Variants in FRA10AC1 observed in about 807,000 individuals in gnomAD.
The protein encoded by FRA10AC1 is FRA10A associated CGG repeat 1.
Under a neutral mutation model 56.5 loss-of-function variants are expected in FRA10AC1, and 43 were observed. The ratio of observed to expected loss-of-function variants is 0.76; its 90% confidence interval spans 0.60 to 0.98. The LOEUF (loss-of-function observed/expected upper bound fraction) is 0.98, where lower values mean the gene tolerates loss of function less well. Ranked by LOEUF, FRA10AC1 falls within the 50% of genes least tolerant of loss-of-function variation. The pLI, the probability that FRA10AC1 is intolerant of heterozygous loss-of-function variation, is 0.00. For missense variants in FRA10AC1, 346 were observed against 351.8 expected (o/e 0.98, Z 0.13); for synonymous variants, 112 against 110.5 (o/e 1.01, Z -0.09).
chr10:93,690,021 A>AT (rs2059100372), intron 7 of FRA10AC1, among the ~76,000 whole-genome samples: 1 of 152,180 alleles, frequency 6.6e-6, no homozygotes, highest in Admixed American at 6.6e-5. Flanking sequence ...TGCAATAAAG[A>AT]AAGGAATAGG....
At chr10:93,699,378 C>T (rs1001634620) in intron 2 of FRA10AC1, among the ~76,000 whole-genome samples, 6 of 152,052 alleles carry the variant, frequency 3.9e-5, no homozygotes, top group African/African-American at 1.2e-4. Context: ...AGTCAACAGC[C>T]GTGTAAGTTT....
intron 7 of FRA10AC1, chr10:93,688,023 C>T (rs2059062063): frequency 6.6e-6 from 1 of 152,096 alleles, no homozygotes; most frequent in Non-Finnish European, 1.5e-5. Flanking sequence ...GGTATTTACT[C>T]AAATGAGCTG....
intron 5 of FRA10AC1, 142 bp downstream of exon 5, chr10:93,694,713 TAAAAAA>T (rs10554752): frequency 6.4e-4 from 155 of 240,512 alleles, no homozygotes; most frequent in East Asian, 2.5e-3. Context: ...GACTCCATCT[TAAAAAA>T]AAAAAAAAAA....
intron 12 of FRA10AC1, chr10:93,673,817 C>A (rs1287998252): frequency 4.5e-6 from 2 of 444,588 alleles, no homozygotes; most frequent in Admixed American, 5.1e-5. Context: ...TCTCTTTATA[C>A]CCATTTTATA....
intron 1 of FRA10AC1, among the ~76,000 whole-genome samples, chr10:93,702,030 ACATCAT>A (rs1235136613): frequency 2.0e-5 from 3 of 152,028 alleles, no homozygotes; most frequent in Admixed American, 2.0e-4. Context: ...AGTAAATGTT[ACATCAT>A]CATCATCATC....
At chr10:93,683,493 G>A (rs2058970875) in intron 10 of FRA10AC1, among the ~76,000 whole-genome samples, 1 of 152,098 alleles carries the variant, frequency 6.6e-6, no homozygotes, top group African/African-American at 2.4e-5. Context: ...TGGGATTACA[G>A]GCACCTGCCA....
intron 1 of FRA10AC1, among the ~76,000 whole-genome samples, 196 bp from the exon 2 acceptor site, chr10:93,700,302 G>A (rs926380566): frequency 2.0e-5 from 3 of 152,146 alleles, no homozygotes; most frequent in Non-Finnish European, 4.4e-5. Context: ...TTCAGGAAAT[G>A]CATCAACATT....
intron 12 of FRA10AC1, chr10:93,673,704 T>C (rs2058800900): frequency 1.2e-5 from 5 of 403,072 alleles, no homozygotes; most frequent in Non-Finnish European, 1.9e-5. Context: ...TTTTCTCTGA[T>C]AACAATGATA....
At position 93,698,309 on chromosome 10, in the gene FRA10AC1, C is replaced by T; in HGVS notation, c.165G>A (p.Leu55=). ...KVAHKQVAAE[L]LDREEARNRR... is the part of the protein sequence containing the mutation. ...ACACTGAAATACCATACCTATCCAGCAATTCTGCTGCAACTTGTTTATGGG... is the reference window on the plus strand; with the variant it reads ...ACACTGAAATACCATACCTATCCAGTAATTCTGCTGCAACTTGTTTATGGG... The change falls in exon 3 of 14, where the codon TTG becomes TTA. Residue 55 remains leucine, a synonymous_variant. Coordinates refer to ENST00000359204, the MANE Select transcript of FRA10AC1 (RefSeq NM_145246.5). 4 of 1,608,670 alleles carry T rather than the reference C, an allele frequency of 2.5e-6. No homozygotes were observed. The highest frequency in any genetic ancestry group is 3.4e-6 in the Non-Finnish European group (4 of 1,176,174).
At chr10:93,694,109 A>G (rs1372030795) in intron 5 of FRA10AC1, among the ~76,000 whole-genome samples, 2 of 152,020 alleles carry the variant, frequency 1.3e-5, no homozygotes, top group East Asian at 3.9e-4. Flanking sequence ...AACAAAAACA[A>G]AACAAAACAA....
At chr10:93,680,058 C>T (rs2058907623) in intron 11 of FRA10AC1, among the ~76,000 whole-genome samples, 1 of 152,240 alleles carries the variant, frequency 6.6e-6, no homozygotes, top group East Asian at 1.9e-4. Context: ...TACGAAGGGT[C>T]CAACCTTAGC....
At position 93,668,047 on chromosome 10, in the gene FRA10AC1, C is replaced by T. The variant is rs1410986825; in HGVS notation, c.*1779G>A. 1 of 152,122 alleles carries T rather than the reference C, an allele frequency of 6.6e-6. No individual in the cohort carries two copies. Among genetic ancestry groups the T allele is most frequent in the South Asian group, 2.1e-4 (1 of 4,830 alleles). The allele number at this position is 152,122 out of a possible 1,614,324, so 9.4% of individuals were successfully genotyped here. A position where few individuals can be genotyped will look rare whatever the true frequency, so the allele number is the denominator to read the frequency against. ...CAGCCATGCCCAGCTCAGTGCCTCACATATAATAGAAGCCTGATAAATATT... is the reference window on the plus strand; with the variant it reads ...CAGCCATGCCCAGCTCAGTGCCTCATATATAATAGAAGCCTGATAAATATT... On this transcript the variant is annotated 3_prime_UTR_variant, in exon 14 of 14. Transcript: ENST00000359204.
intron 11 of FRA10AC1, among the ~76,000 whole-genome samples, chr10:93,679,905 A>C (rs2058903150): frequency 6.6e-6 from 1 of 152,214 alleles, no homozygotes; most frequent in Non-Finnish European, 1.5e-5. Context: ...CAAATTAAAC[A>C]TAAATAATAA....
At position 93,668,138 on chromosome 10, in the gene FRA10AC1, A is replaced by G. The variant is rs1189386317; in HGVS notation, c.*1688T>C. 1 of 152,222 alleles carries G rather than the reference A, an allele frequency of 6.6e-6. No individual in the cohort carries two copies. Among genetic ancestry groups the G allele is most frequent in the Non-Finnish European group, 1.5e-5 (1 of 68,026 alleles). 9.4% of individuals were successfully genotyped at this position (152,222 alleles called of 1,614,324 possible). On this transcript the variant is annotated 3_prime_UTR_variant, in exon 14 of 14. Transcript: ENST00000359204. Reference sequence around the variant, plus strand: ...CTGATAATAACCATTTTAAAATGATACCAAATTACTCATTTTGCAGTTTAT... The same window carrying G: ...CTGATAATAACCATTTTAAAATGATGCCAAATTACTCATTTTGCAGTTTAT...
chr10:93,676,628 T>C, intron 12 of FRA10AC1, 25 bp downstream of exon 12: 2 of 1,547,566 alleles, frequency 1.3e-6, no homozygotes, highest in Non-Finnish European at 1.7e-6. Context: ...TGCATATTTT[T>C]ATTAAATAAA....
At chr10:93,697,517 T>C (rs1329316769) in intron 4 of FRA10AC1, among the ~76,000 whole-genome samples, 1 of 152,218 alleles carries the variant, frequency 6.6e-6, no homozygotes, top group Non-Finnish European at 1.5e-5. Context: ...TTCTCCAATA[T>C]TCTCAACAGC....
rs2059359616 is a variant in FRA10AC1 at position 93,702,531 on chromosome 10, G to GCCGCCC, written c.-158_-157insGGGCGG. On this transcript the variant is annotated 5_prime_UTR_variant, in exon 1 of 14. Coordinates refer to ENST00000359204, the MANE Select transcript of FRA10AC1 (RefSeq NM_145246.5). Reference sequence around the variant, plus strand: ...CCTCGCCACAACCACCACCGCCGCCGCCGCCGCCGCCGCCGCCCGCAACCC... The same window carrying GCCGCCC: ...CCTCGCCACAACCACCACCGCCGCCGCCGCCCCCGCCGCCGCCGCCGCCCGCAACCC... 1 of 228,540 alleles carries GCCGCCC rather than the reference G, an allele frequency of 4.4e-6. No individual in the cohort carries two copies. Among genetic ancestry groups the GCCGCCC allele is most frequent in the African/African-American group, 2.4e-5 (1 of 42,310 alleles). The allele number at this position is 228,540 out of a possible 1,614,324, so 14.2% of individuals were successfully genotyped here.
intron 12 of FRA10AC1, chr10:93,675,705 C>CA (rs2058829557): frequency 3.6e-5 from 12 of 336,148 alleles, no homozygotes; most frequent in East Asian, 2.1e-4. Context: ...ACTCCATCTC[C>CA]AAAAAAATAA....
intron 1 of FRA10AC1, among the ~76,000 whole-genome samples, chr10:93,700,570 A>G (rs1442218775): frequency 6.6e-6 from 1 of 152,258 alleles, no homozygotes; most frequent in East Asian, 1.9e-4. Flanking sequence ...AAAGTTAAGT[A>G]AATCTATTTA....
Sources: gnomAD v4.1 joint callset for allele counts (sites outside exome capture counted in the v4.1 genomes callset) on GRCh38, gnomAD v4.1.1 for gene constraint, MANE v1.5 for transcripts, NCBI Gene and HGNC (gene_info 2026-07-23, HGNC 2026-07-21) for gene names.